Variants in SSH2 observed in about 807,000 individuals in gnomAD.
SSH2 encodes protein phosphatase Slingshot homolog 2.
SSH2 carries 37 observed loss-of-function variants against 135.2 expected under a neutral mutation model. The ratio of observed to expected loss-of-function variants is 0.27; its 90% CI spans 0.21 to 0.36. The LOEUF (loss-of-function observed/expected upper bound fraction) is 0.36, where lower values mean the gene tolerates loss of function less well. SSH2 is among the 10% of genes least tolerant of loss of function. The pLI is 1.00. For synonymous variants in SSH2, 628 were observed against 646.2 expected, an observed-to-expected ratio of 0.97 and a Z score of 0.43; for missense variants, 1,408 against 1,765.3, an observed-to-expected ratio of 0.80 and a Z score of 3.63.
chr17:29,632,349 A>C lies in SSH2; in HGVS notation c.2845T>G (p.Ser949Ala). The change falls in exon 16 of 16, where the codon TCA becomes GCA. Residue 949 changes from serine to alanine, a missense_variant. Ser to Ala is a moderately conservative substitution (Grantham distance 99, BLOSUM62 1). Coordinates refer to ENST00000540801, the MANE Select transcript of SSH2 (RefSeq NM_001282129.2). ...ATTTCTGGTTCCTTGAGGACAAATGAATGTTCTGGGGGGGCTTCATCACTT... is the reference window on the plus strand; with the variant it reads ...ATTTCTGGTTCCTTGAGGACAAATGCATGTTCTGGGGGGGCTTCATCACTT... ...GKSDEAPPEH[S>A]FVLKEPEMSK... 1 of 1,613,872 alleles carries C rather than the reference A, an allele frequency of 6.2e-7. No individual in the cohort carries two copies. The highest frequency in any genetic ancestry group is 8.5e-7 in the Non-Finnish European group (1 of 1,179,818).
chr17:29,780,921 C>T (rs549870197), intron 3 of SSH2, among the ~76,000 whole-genome samples: 73 of 152,172 alleles, frequency 4.8e-4, no homozygotes, highest in African/African-American at 1.5e-3. Flanking sequence ...ACGCCATTCT[C>T]CTGCCTCAGC....
intron 14 of SSH2, among the ~76,000 whole-genome samples, chr17:29,643,808 T>G (rs2036264959): frequency 6.6e-6 from 1 of 152,186 alleles, no homozygotes; most frequent in African/African-American, 2.4e-5. Context: ...ATATGTTTTA[T>G]CCAGTCCTGG....
At chr17:29,835,588 T>C (rs995251014) in intron 2 of SSH2, among the ~76,000 whole-genome samples, 3 of 152,138 alleles carry the variant, frequency 2.0e-5, no homozygotes, top group South Asian at 2.1e-4. Context: ...GGAAGTAAGA[T>C]GTTGATCCAA....
chr17:29,654,795 G>A (rs2036716367), intron 12 of SSH2, among the ~76,000 whole-genome samples: 1 of 152,094 alleles, frequency 6.6e-6, no homozygotes, highest in Non-Finnish European at 1.5e-5. Flanking sequence ...TTCAATTTCA[G>A]AAGCTTGTCC....
At chr17:29,738,910 A>C (rs2040465949) in intron 3 of SSH2, among the ~76,000 whole-genome samples, 1 of 152,208 alleles carries the variant, frequency 6.6e-6, no homozygotes, top group Non-Finnish European at 1.5e-5. Context: ...AACTGCCTCA[A>C]AAGCATAATT....
At chr17:29,868,757 C>G in intron 1 of SSH2, among the ~76,000 whole-genome samples, 1 of 122,644 alleles carries the variant, frequency 8.2e-6, no homozygotes, top group African/African-American at 2.9e-5. Context: ...AAAAAAAACT[C>G]AGTTCCCACC....
intron 10 of SSH2, 57 bp from the exon 11 acceptor site, chr17:29,667,052 CATGCACT>C: frequency 1.2e-6 from 2 of 1,611,148 alleles, no homozygotes; most frequent in Non-Finnish European, 8.5e-7. Flanking sequence ...TACTTTCAAC[CATGCACT>C]ATTTCCAGCC....
intron 13 of SSH2, 45 bp from the exon 14 acceptor site, chr17:29,648,389 T>C (rs2036462433): frequency 6.8e-7 from 1 of 1,470,462 alleles, no homozygotes; most frequent in Non-Finnish European, 9.1e-7. Flanking sequence ...AATACAATAG[T>C]GGGGATATTT....
chr17:29,789,201 A>T (rs1001705350), intron 3 of SSH2, among the ~76,000 whole-genome samples: 2 of 152,220 alleles, frequency 1.3e-5, no homozygotes, highest in African/African-American at 4.8e-5. Flanking sequence ...GCAAAAAGAG[A>T]GAAATGAATT....
At chr17:29,805,315 C>T (rs1031292246) in intron 2 of SSH2, among the ~76,000 whole-genome samples, 3 of 151,834 alleles carry the variant, frequency 2.0e-5, no homozygotes, top group African/African-American at 4.8e-5. Context: ...CCACCACGCC[C>T]GGCTAATTTT....
intron 1 of SSH2, among the ~76,000 whole-genome samples, chr17:29,901,316 G>A (rs955226751): frequency 4.6e-5 from 7 of 151,968 alleles, no homozygotes; most frequent in Non-Finnish European, 7.4e-5. Flanking sequence ...TCAGTAAGAT[G>A]AAATTTTTTA....
chr17:29,848,042 C>T (rs1041420303), intron 2 of SSH2, among the ~76,000 whole-genome samples: 1 of 152,164 alleles, frequency 6.6e-6, no homozygotes, highest in South Asian at 2.1e-4. Context: ...AGATTGCTGT[C>T]TAACACCACA....
intron 2 of SSH2, among the ~76,000 whole-genome samples, chr17:29,834,610 T>C (rs763025494): frequency 6.6e-6 from 1 of 152,138 alleles, no homozygotes; most frequent in African/African-American, 2.4e-5. Context: ...AATTTAGCAA[T>C]GTTTTCTTTT....
At position 29,867,467 on chromosome 17, in the gene SSH2, T is replaced by C. The variant is rs142349837; in HGVS notation, c.64-18538A>G. On this transcript the variant is annotated intron_variant, in intron 1 of 15. Transcript: ENST00000540801. Reference sequence around the variant, plus strand: ...TGGGACCTGGACTATGAAAGTAAATTAGGTTTTAGAGATGCTAACGTGTGT... The same window carrying C: ...TGGGACCTGGACTATGAAAGTAAATCAGGTTTTAGAGATGCTAACGTGTGT... 7.4e-3 allele frequency among the ~76,000 whole-genome samples: 1,126 copies of C among 152,236 alleles called. 11 individuals carry two copies. Among genetic ancestry groups the C allele is most frequent in the African/African-American group, 0.022 (923 of 41,532 alleles).
At chr17:29,641,585 C>G (rs185442482) in intron 14 of SSH2, 1 of 152,100 alleles carries the variant, frequency 6.6e-6, no homozygotes. Flanking sequence ...AGTTAATGAA[C>G]AAGAGGAAAT....
At position 29,648,283 on chromosome 17, in the gene SSH2, C is replaced by T. The variant is rs184610184; in HGVS notation, c.1288G>A (p.Val430Met). The T allele has an allele frequency of 7.4e-6, 12 of 1,614,158 alleles. No homozygotes were observed. Among genetic ancestry groups the T allele is most frequent in the East Asian group, 2.2e-5 (1 of 44,876 alleles). Residue 430 changes from valine to methionine, a missense_variant, in exon 14 of 16, where the codon GTG becomes ATG. Val to Met is a conservative substitution (Grantham distance 21, BLOSUM62 1). Coordinates refer to ENST00000540801, the MANE Select transcript of SSH2 (RefSeq NM_001282129.2). ...TATTCCTTCATTGCATAGGCAATCA[C>T]GGTGGAGGCTGAGCGACTCACCCCC... ...KMGVSRSASTVIAYAMKEYGW... is the reference protein window; with the variant it reads ...KMGVSRSASTMIAYAMKEYGW...
At chr17:29,893,443 A>C (rs1348255827) in intron 1 of SSH2, among the ~76,000 whole-genome samples, 1 of 152,080 alleles carries the variant, frequency 6.6e-6, no homozygotes, top group Admixed American at 6.6e-5. Context: ...GGAATTAATG[A>C]CCTTATACAA....
At chr17:29,665,895 G>C (rs2037249403) in intron 11 of SSH2, among the ~76,000 whole-genome samples, 1 of 152,194 alleles carries the variant, frequency 6.6e-6, no homozygotes, top group Non-Finnish European at 1.5e-5. Flanking sequence ...AATCATAAAA[G>C]TAGGGACTCA....
At chr17:29,921,158 C>T (rs1376967872) in intron 1 of SSH2, among the ~76,000 whole-genome samples, 1 of 151,920 alleles carries the variant, frequency 6.6e-6, no homozygotes, top group African/African-American at 2.4e-5. Context: ...GGTCAGACAC[C>T]AGGCCTATAA....
Sources: allele counts gnomAD v4.1 joint callset (sites outside exome capture counted in the v4.1 genomes callset), GRCh38; gene constraint gnomAD v4.1.1; transcripts MANE v1.5; gene names NCBI Gene and HGNC (gene_info 2026-07-23, HGNC 2026-07-21).